PDE10A: variants seen among roughly 807,000 people sequenced by gnomAD.
PDE10A encodes the protein cAMP and cAMP-inhibited cGMP 3',5'-cyclic phosphodiesterase 10A.
Under a neutral mutation model 97.7 loss-of-function variants are expected in PDE10A, and 39 were observed. That is an observed-to-expected ratio of 0.40 (90% CI 0.31 to 0.52). PDE10A has a LOEUF of 0.52. Among genes scored for constraint, PDE10A ranks in the 20% least tolerant of loss-of-function variants. The probability of loss-of-function intolerance (pLI) is 0.56; values close to 1 mark genes in which losing one functional copy is unlikely to be tolerated. For synonymous variants in PDE10A, 371 were observed against 376.8 expected (o/e 0.98, Z 0.18); for missense variants, 731 against 1,047.8 (o/e 0.70, Z 4.17).
chr6:165,701,776 CGTGT>C (rs968841719), intron 1 of PDE10A, among the ~76,000 whole-genome samples: 2 of 146,886 alleles, frequency 1.4e-5, no homozygotes, highest in African/African-American at 5.0e-5. Flanking sequence ...TGTATGTTTG[CGTGT>C]GTGTGTGTGC....
intron 1 of PDE10A, among the ~76,000 whole-genome samples, chr6:165,954,842 C>A (rs539214169): frequency 1.3e-5 from 2 of 152,182 alleles, no homozygotes; most frequent in African/African-American, 4.8e-5. Flanking sequence ...GACAGGCCAG[C>A]ATTTCTTTCT....
rs988206611 is a variant in PDE10A, at chr6:165,397,096, C to T, written c.2077-637G>A. 7.2e-5 allele frequency among the ~76,000 whole-genome samples: 11 copies of T among 152,176 alleles called. 2 individuals are homozygous for T. The highest frequency in any genetic ancestry group is 5.2e-4 in the Admixed American group (8 of 15,284). ...TATATAAATTGGTAATTACATTAAT[C>T]GAAAATGGATAGGTACATTTTGCCA... On this transcript the variant is annotated intron_variant, in intron 13 of 21. Transcript: ENST00000539869.
chr6:165,482,403 C>T, intron 2 of PDE10A, 60 bp from the exon 3 acceptor site: 1 of 1,230,294 alleles, frequency 8.1e-7, no homozygotes, highest in East Asian at 2.3e-5. Context: ...TTTTAAAATA[C>T]AAAACATGTC....
chr6:165,957,627 G>A (rs188658901), intron 1 of PDE10A, among the ~76,000 whole-genome samples: 3 of 152,320 alleles, frequency 2.0e-5, no homozygotes, highest in East Asian at 1.9e-4. Flanking sequence ...TGACTCCAAA[G>A]CCCATGGGAG....
At chr6:165,374,680 C>T (rs1250362309) in intron 18 of PDE10A, among the ~76,000 whole-genome samples, 5 of 151,244 alleles carry the variant, frequency 3.3e-5, no homozygotes, top group South Asian at 2.1e-4. Context: ...TATAAATTGA[C>T]GGCAATATAT....
intron 1 of PDE10A, among the ~76,000 whole-genome samples, chr6:165,613,839 A>G (rs1787606329): frequency 6.6e-6 from 1 of 152,048 alleles, no homozygotes; most frequent in Admixed American, 6.5e-5. Context: ...GCTAATACCA[A>G]CCTGCTGTAT....
chr6:165,400,928 ATTATG>A (rs1786612340), intron 13 of PDE10A, among the ~76,000 whole-genome samples: 1 of 152,206 alleles, frequency 6.6e-6, no homozygotes, highest in Non-Finnish European at 1.5e-5. Flanking sequence ...GAATCACAAA[ATTATG>A]TTAAGTGAAA....
intron 1 of PDE10A, among the ~76,000 whole-genome samples, chr6:165,738,112 C>T (rs1583017780): frequency 6.6e-6 from 1 of 151,442 alleles, no homozygotes; most frequent in African/African-American, 2.4e-5. Flanking sequence ...GCTGCACCCA[C>T]TAACTCGTCA....
At chr6:165,723,923 GA>G (rs1792227754) in intron 1 of PDE10A, among the ~76,000 whole-genome samples, 1 of 151,922 alleles carries the variant, frequency 6.6e-6, no homozygotes, top group Non-Finnish European at 1.5e-5. Context: ...GAGAGATGCT[GA>G]AAAAGTAAAA....
intron 1 of PDE10A, among the ~76,000 whole-genome samples, chr6:165,579,997 A>ACATCATTTT (rs1491308372): frequency 1.3e-5 from 2 of 152,098 alleles, no homozygotes; most frequent in African/African-American, 4.8e-5. Context: ...ACTCTGTTCT[A>ACATCATTTT]CATCATTTTT....
At chr6:165,723,713 G>T (rs6922233) in intron 1 of PDE10A, among the ~76,000 whole-genome samples, 2 of 152,054 alleles carry the variant, frequency 1.3e-5, no homozygotes, top group Non-Finnish European at 2.9e-5. Context: ...AAGGTAGGAC[G>T]TGAATTTTAA....
intron 1 of PDE10A, among the ~76,000 whole-genome samples, chr6:165,898,109 C>A (rs1396936999): frequency 6.6e-6 from 1 of 151,826 alleles, no homozygotes; most frequent in Non-Finnish European, 1.5e-5. Context: ...CCCCCTCCAC[C>A]CCCCATGAGT....
Position 165,670,362 on chromosome 6 carries a change from A to G in PDE10A, c.-614-126794T>C, listed in dbSNP as rs530855271. On this transcript the variant is annotated intron_variant, in intron 1 of 19. Coordinates refer to the PDE10A transcript ENST00000366882. Reference sequence around the variant, plus strand: ...AATACAGGAAACAAAGGGTGGCTTTAAGACAATTATATCATAGTTACCATT... The same window carrying G: ...AATACAGGAAACAAAGGGTGGCTTTGAGACAATTATATCATAGTTACCATT... Among the ~76,000 whole-genome samples, 120 of 152,334 alleles carry G rather than the reference A, an allele frequency of 7.9e-4. 1 individual carries two copies. The highest frequency in any genetic ancestry group is 2.8e-3 in the African/African-American group (115 of 41,570).
chr6:165,747,987 G>A (rs1792880859), intron 1 of PDE10A, among the ~76,000 whole-genome samples: 1 of 152,142 alleles, frequency 6.6e-6, no homozygotes, highest in African/African-American at 2.4e-5. Flanking sequence ...CCAGACTATT[G>A]TTGCCGCAGC....
At chr6:165,656,685 A>T (rs1789985532) in intron 1 of PDE10A, among the ~76,000 whole-genome samples, 1 of 152,174 alleles carries the variant, frequency 6.6e-6, no homozygotes, top group South Asian at 2.1e-4. Flanking sequence ...CAACCTCAGA[A>T]GATCCCTTTC....
At chr6:165,680,815 C>T (rs558328023) in intron 1 of PDE10A, among the ~76,000 whole-genome samples, 183 of 152,224 alleles carry the variant, frequency 1.2e-3, no homozygotes, top group Non-Finnish European at 2.1e-3. Context: ...ACCCTGAAGG[C>T]GGAGGTTGCA....
Position 165,388,270 on chromosome 6 carries a change from A to C in PDE10A, c.2610+28T>G. On this transcript the variant is annotated intron_variant, in intron 17 of 21. Transcript: ENST00000539869. This position sits in a 1 kb window ranked among gnomAD's most constrained non-coding sequence, Gnocchi z 4.0. ...TATCTCCCAGACAGCCCTTCAGACT[A>C]AGCGAGAGACGGCGTGCAGTGACTC... 3.7e-6 allele frequency: 6 copies of C among 1,610,828 alleles called. No individual in the cohort carries two copies. The highest frequency in any genetic ancestry group is 5.1e-6 in the Non-Finnish European group (6 of 1,177,316).
At chr6:165,552,688 C>T (rs1462692380) in intron 1 of PDE10A, among the ~76,000 whole-genome samples, 2 of 152,164 alleles carry the variant, frequency 1.3e-5, no homozygotes, top group African/African-American at 4.8e-5. Context: ...TGCACCTCTT[C>T]CCTTTGCGGA....
At chr6:165,654,091 A>G (rs1789817710) in intron 1 of PDE10A, among the ~76,000 whole-genome samples, 1 of 152,196 alleles carries the variant, frequency 6.6e-6, no homozygotes, top group Admixed American at 6.5e-5. Context: ...GAGTATCTGA[A>G]TTGTGCATAC....
Sources: allele counts gnomAD v4.1 joint callset (sites outside exome capture counted in the v4.1 genomes callset), GRCh38; gene constraint gnomAD v4.1.1; non-coding constraint Gnocchi (gnomAD v3.1); transcripts MANE v1.5; gene names NCBI Gene and HGNC (gene_info 2026-07-23, HGNC 2026-07-21).